The following CRADD variants were observed in gnomAD, a reference collection of about 807,000 sequenced individuals.
CRADD encodes death domain-containing protein CRADD.
Under a neutral mutation model 15.5 loss-of-function variants are expected in CRADD, and 9 were observed. The observed-to-expected ratio is 0.58, with a 90% CI of 0.35 to 1.01. The LOEUF is 1.01. Among genes scored for constraint, CRADD ranks in the 50% least tolerant of loss-of-function variants. CRADD has a pLI of 0.02. For synonymous variants in CRADD, 118 were observed against 107.6 expected, an observed-to-expected ratio of 1.10 and a Z score of -0.60; for missense variants, 227 against 250.3, an observed-to-expected ratio of 0.91 and a Z score of 0.63.
Position 93,736,385 on chromosome 12 carries a change from A to G in CRADD, c.298+57313A>G, listed in dbSNP as rs112548595. On this transcript the variant is annotated intron_variant, in intron 2 of 2. Coordinates refer to ENST00000332896, the MANE Select transcript of CRADD (RefSeq NM_003805.5). ...CCACATTGATTTCTAAAGTCCTTAT[A>G]TTCAAAACTTTCTGTGCTGACCACC... Among the ~76,000 whole-genome samples, 290 of 152,308 alleles carry G rather than the reference A, an allele frequency of 1.9e-3. 2 individuals are homozygous for G. The highest frequency in any genetic ancestry group is 6.8e-3 in the African/African-American group (283 of 41,564).
At chr12:93,780,882 G>T (rs777926315) in intron 2 of CRADD, among the ~76,000 whole-genome samples, 6 of 150,590 alleles carry the variant, frequency 4.0e-5, no homozygotes, top group Non-Finnish European at 4.4e-5. Context: ...GCATAGCTGG[G>T]ATTACAGGCA....
chr12:93,827,236 C>T (rs1170515024), intron 2 of CRADD, among the ~76,000 whole-genome samples: 1 of 152,166 alleles, frequency 6.6e-6, no homozygotes, highest in African/African-American at 2.4e-5. Context: ...CCATCACCCC[C>T]ATCTCCAGGC....
chr12:93,805,539 C>T (rs1051172034), intron 2 of CRADD, among the ~76,000 whole-genome samples: 2 of 151,380 alleles, frequency 1.3e-5, no homozygotes, highest in African/African-American at 2.4e-5. Context: ...CCCAGTACAT[C>T]GAGCTGTTCA....
intron 2 of CRADD, among the ~76,000 whole-genome samples, chr12:93,758,410 A>T (rs1956914743): frequency 6.6e-6 from 1 of 152,138 alleles, no homozygotes; most frequent in Non-Finnish European, 1.5e-5. Flanking sequence ...CAATAACTAA[A>T]TGTTTCTGAT....
rs1465122595 is a variant in CRADD, at chr12:93,850,189, A to G, written c.518A>G (p.Lys173Arg). Residue 173 changes from lysine to arginine, a missense_variant, in exon 3 of 3, where the codon AAG becomes AGG. By Grantham distance (26) the Lys-to-Arg change is conservative. Transcript: ENST00000332896. This position sits in a 1 kb window ranked among gnomAD's most constrained non-coding sequence, Gnocchi z 4.0. ...ATCCGTTGGCGGCAGCGCTTCGGGAAGCAGGCCACCTTCCAGAGCCTGCAC... is the reference window on the plus strand; with the variant it reads ...ATCCGTTGGCGGCAGCGCTTCGGGAGGCAGGCCACCTTCCAGAGCCTGCAC... Reference protein sequence around the residue: ...AFIRWRQRFGKQATFQSLHNG... With the variant: ...AFIRWRQRFGRQATFQSLHNG... 6.2e-7 allele frequency: 1 copy of G among 1,613,564 alleles called. No homozygotes were observed. The highest frequency in any genetic ancestry group is 1.3e-5 in the African/African-American group (1 of 74,906).
intron 2 of CRADD, among the ~76,000 whole-genome samples, chr12:93,798,282 T>A (rs1266955405): frequency 1.3e-5 from 2 of 152,220 alleles, no homozygotes; most frequent in African/African-American, 4.8e-5. Context: ...TGGATGAATG[T>A]TCTTGGGGAC....
At chr12:93,743,621 A>C (rs1956711166) in intron 2 of CRADD, among the ~76,000 whole-genome samples, 2 of 152,214 alleles carry the variant, frequency 1.3e-5, no homozygotes, top group East Asian at 1.9e-4. Context: ...TTCAATAATA[A>C]AAGCCTAAAA....
intron 2 of CRADD, chr12:93,815,389 GT>G (rs1425532223): frequency 6.6e-6 from 1 of 152,122 alleles, no homozygotes; most frequent in Non-Finnish European, 1.5e-5. Context: ...TATCACATTC[GT>G]GGTTATTCTA....
At chr12:93,832,460 T>G (rs540685797) in intron 2 of CRADD, among the ~76,000 whole-genome samples, 21 of 152,302 alleles carry the variant, frequency 1.4e-4, no homozygotes, top group Middle Eastern at 3.4e-3. Context: ...TCTAGGCAGG[T>G]TTGGCATTAA....
intron 2 of CRADD, among the ~76,000 whole-genome samples, chr12:93,788,149 T>TA (rs1957300948): frequency 6.6e-6 from 1 of 152,150 alleles, no homozygotes; most frequent in Non-Finnish European, 1.5e-5. Context: ...CAACACTGGG[T>TA]AATTTCTAAA....
rs986027850 is a variant in CRADD, at chr12:93,761,495, G to A, written c.298+82423G>A. Among the ~76,000 whole-genome samples, 3 of 152,096 alleles carry A rather than the reference G, an allele frequency of 2.0e-5. 1 individual carries two copies. Among genetic ancestry groups the A allele is most frequent in the African/African-American group, 7.2e-5 (3 of 41,408 alleles). On this transcript the variant is annotated intron_variant, in intron 2 of 2. Coordinates refer to ENST00000332896, the MANE Select transcript of CRADD (RefSeq NM_003805.5). ...AATCAAGGATGACTCGTTGTTTGGGGACCAGAACAATTGGGTGGGTGGAGT... is the reference window on the plus strand; with the variant it reads ...AATCAAGGATGACTCGTTGTTTGGGAACCAGAACAATTGGGTGGGTGGAGT...
rs566237726 is a variant in CRADD at position 93,730,717 on chromosome 12, C to CTT, written c.298+51662_298+51663dup. 6.1e-3 allele frequency among the ~76,000 whole-genome samples: 776 copies of CTT among 127,150 alleles called. 7 individuals carry two copies. Among genetic ancestry groups the CTT allele is most frequent in the African/African-American group, 0.021 (735 of 34,626 alleles). 83.4% of individuals were successfully genotyped at this position (127,150 alleles called of 152,430 possible). On this transcript the variant is annotated intron_variant, in intron 2 of 2. Coordinates refer to ENST00000332896, the MANE Select transcript of CRADD (RefSeq NM_003805.5). ...TTATTTAAACATTGACCTTCATTTA[C>CTT]TTTTTTTTTTTTTTTTTTAATGGAG...
At chr12:93,817,705 C>G (rs938957578) in intron 2 of CRADD, among the ~76,000 whole-genome samples, 1 of 152,144 alleles carries the variant, frequency 6.6e-6, no homozygotes, top group African/African-American at 2.4e-5. Flanking sequence ...AATCCACTCT[C>G]GGTGGCCCTT....
At chr12:93,758,988 A>C (rs1189282988) in intron 2 of CRADD, among the ~76,000 whole-genome samples, 2 of 152,216 alleles carry the variant, frequency 1.3e-5, no homozygotes, top group Admixed American at 1.3e-4. Context: ...CTTTTGAGCT[A>C]TCCTCACAGG....
chr12:93,797,356 G>A (rs1473183497), intron 2 of CRADD, among the ~76,000 whole-genome samples: 2 of 152,198 alleles, frequency 1.3e-5, no homozygotes, highest in Non-Finnish European at 2.9e-5. Context: ...ACAGCATGTA[G>A]TGTGGAGTGG....
At chr12:93,871,812 T>C (rs1175764970) in intron 2 of CRADD, among the ~76,000 whole-genome samples, 5 of 152,258 alleles carry the variant, frequency 3.3e-5, no homozygotes, top group Non-Finnish European at 5.9e-5. Flanking sequence ...CATTCATCTG[T>C]TGATGGACAC....
intron 2 of CRADD, among the ~76,000 whole-genome samples, chr12:93,884,991 C>G (rs1176600367): frequency 6.6e-6 from 1 of 152,156 alleles, no homozygotes; most frequent in Non-Finnish European, 1.5e-5. Flanking sequence ...ATCAGATTAG[C>G]AACTCCTCTT....
intron 2 of CRADD, among the ~76,000 whole-genome samples, chr12:93,811,924 A>G (rs567460959): frequency 6.6e-6 from 1 of 152,316 alleles, no homozygotes; most frequent in South Asian, 2.1e-4. Flanking sequence ...AAACTGTGGT[A>G]TGTCCATCTG....
At chr12:93,812,355 G>T (rs1957637586) in intron 2 of CRADD, among the ~76,000 whole-genome samples, 1 of 152,036 alleles carries the variant, frequency 6.6e-6, no homozygotes, top group East Asian at 1.9e-4. Context: ...CTTAAACAAG[G>T]CAATGTGTAT....
Sources: gnomAD v4.1 joint callset for allele counts (sites outside exome capture counted in the v4.1 genomes callset) on GRCh38, gnomAD v4.1.1 for gene constraint, Gnocchi (gnomAD v3.1) non-coding constraint, MANE v1.5 for transcripts, NCBI Gene and HGNC (gene_info 2026-07-23, HGNC 2026-07-21) for gene names.